ATG7: variants seen among roughly 807,000 people sequenced by gnomAD.
ATG7 encodes the protein ubiquitin-like modifier-activating enzyme ATG7.
A neutral mutation model predicts 82.4 loss-of-function variants in ATG7; 70 were observed. The ratio of observed to expected loss-of-function variants is 0.85; its 90% confidence interval spans 0.70 to 1.04. The LOEUF is 1.04. Ranked by LOEUF, ATG7 falls within the 50% of genes least tolerant of loss-of-function variation. ATG7 has a pLI of 0.00. For missense variants in ATG7, 792 were observed against 864.3 expected, an observed-to-expected ratio of 0.92 and a Z score of 1.05; for synonymous variants, 287 against 313.0, an observed-to-expected ratio of 0.92 and a Z score of 0.88.
At chr3:11,462,102 C>T (rs1440949345) in intron 20 of ATG7, among the ~76,000 whole-genome samples, 1 of 152,004 alleles carries the variant, frequency 6.6e-6, no homozygotes, top group Non-Finnish European at 1.5e-5. Context: ...GATATCTGGT[C>T]ATTAAAACCT....
chr3:11,309,035 A>C lies in ATG7; in HGVS notation c.385A>C (p.Asn129His), dbSNP rs1297784653. 5 of 1,613,884 alleles carry C rather than the reference A, an allele frequency of 3.1e-6. No individual in the cohort carries two copies. The highest frequency in any genetic ancestry group is 4.2e-6 in the Non-Finnish European group (5 of 1,179,886). ...TGCTCTTGAAAACCCTGTACTCCTC[A>C]ACAAGTTCCTCCTCTTGACATTTGC... ...GTALENPVLL[N>H]KFLLLTFADL... The change falls in exon 7 of 21, where the codon AAC becomes CAC. Residue 129 changes from asparagine to histidine, a missense_variant. Transcript: ENST00000693202.
In ATG7 at chr3:11,427,491, A is replaced by ATTTT. The variant is rs11414511; in HGVS notation, c.2079+578_2079+581dup. Among the ~76,000 whole-genome samples the ATTTT allele has an allele frequency of 1.6e-4, 23 of 143,764 alleles. 2 individuals are homozygous for ATTTT. The highest frequency in any genetic ancestry group is 6.7e-4 in the South Asian group (3 of 4,496). 94.3% of individuals were successfully genotyped at this position (143,764 alleles called of 152,430 possible). ...TCTTAATTTCCTGGGTCATTGCATC[A>ATTTT]TTTTTTTTTTTTTTTTAAAGACTGA... is the stretch of plus-strand genomic sequence containing the variant. On this transcript the variant is annotated intron_variant, in intron 20 of 20. Coordinates refer to ENST00000693202, the MANE Select transcript of ATG7 (RefSeq NM_001349232.2).
chr3:11,321,580 T>C (rs1456392703), intron 9 of ATG7, among the ~76,000 whole-genome samples: 4 of 152,122 alleles, frequency 2.6e-5, no homozygotes, highest in African/African-American at 7.2e-5. Flanking sequence ...CCTCCTACAG[T>C]GAGAATGCTT....
chr3:11,433,509 T>G (rs2083098731), intron 20 of ATG7, among the ~76,000 whole-genome samples: 1 of 152,098 alleles, frequency 6.6e-6, no homozygotes, highest in Non-Finnish European at 1.5e-5. Context: ...CCAAAATATT[T>G]TCTAACTGAA....
chr3:11,511,112 G>A (rs957263635), intron 20 of ATG7, among the ~76,000 whole-genome samples: 1 of 152,274 alleles, frequency 6.6e-6, no homozygotes, highest in Admixed American at 6.5e-5. Context: ...CCCAAAGAGT[G>A]AGCAGTAGCA....
rs992073835 is a variant in ATG7 at position 11,413,432 on chromosome 3, C to A, written c.1957-13372C>A. ...ATCGAGATGATTGTGTGGCTTCCCCCCCGCCCCACTTTCTTCAGTTTATAT... is the reference window on the plus strand; with the variant it reads ...ATCGAGATGATTGTGTGGCTTCCCCACCGCCCCACTTTCTTCAGTTTATAT... On this transcript the variant is annotated intron_variant, in intron 19 of 20. Coordinates refer to ENST00000693202, the MANE Select transcript of ATG7 (RefSeq NM_001349232.2). Among the ~76,000 whole-genome samples, 3 of 152,100 alleles carry A rather than the reference C, an allele frequency of 2.0e-5. No individual in the cohort carries two copies. The East Asian group carries it at 5.8e-4, about 29-fold the overall frequency.
intron 3 of ATG7, among the ~76,000 whole-genome samples, chr3:11,286,547 GT>G (rs749385598): frequency 0.013 from 1,202 of 92,082 alleles, 14 homozygotes; most frequent in Non-Finnish European, 0.02. Context: ...TTTGTTTTGT[GT>G]TTTTTTTTTT....
intron 10 of ATG7, 147 bp downstream of exon 10, chr3:11,331,575 C>A: frequency 1.4e-6 from 1 of 724,212 alleles, no homozygotes; most frequent in Non-Finnish European, 2.4e-6. Flanking sequence ...ATAAATCAGT[C>A]ATAACCCAAT....
intron 7 of ATG7, among the ~76,000 whole-genome samples, chr3:11,311,695 A>G (rs1948700757): frequency 6.6e-6 from 1 of 152,094 alleles, no homozygotes; most frequent in Non-Finnish European, 1.5e-5. Flanking sequence ...ATTTAAGTAC[A>G]AAGAAGAGAA....
chr3:11,558,106 T>C (rs1452375273), downstream of ATG7: 3 of 179,458 alleles, frequency 1.7e-5, no homozygotes, highest in Non-Finnish European at 3.6e-5. Flanking sequence ...TCTTCAAGTA[T>C]ACACACGCAC....
the ATG7 span, chr3:11,564,639 G>T: frequency 1.2e-6 from 1 of 838,274 alleles, no homozygotes; most frequent in Non-Finnish European, 1.8e-6. Context: ...TGTCCCAAGT[G>T]CACAACAGAG....
intron 20 of ATG7, among the ~76,000 whole-genome samples, chr3:11,506,566 A>C (rs1048809159): frequency 3.3e-5 from 4 of 120,352 alleles, no homozygotes; most frequent in African/African-American, 1.3e-4. Context: ...AAAAAAAAAA[A>C]AAAAAAAAAA....
At chr3:11,554,752 G>C in intron 20 of ATG7, 59 bp from the exon 21 acceptor site, 1 of 1,600,612 alleles carries the variant, frequency 6.2e-7, no homozygotes, top group Non-Finnish European at 8.5e-7. Context: ...TGAAGCATCT[G>C]TGTGCCCCCC....
At chr3:11,450,216 C>G (rs2084974133) in intron 20 of ATG7, among the ~76,000 whole-genome samples, 1 of 152,114 alleles carries the variant, frequency 6.6e-6, no homozygotes, top group Admixed American at 6.5e-5. Flanking sequence ...GGTCATGGAG[C>G]CAGTAAGTGT....
intron 20 of ATG7, among the ~76,000 whole-genome samples, chr3:11,515,924 G>T (rs1363380539): frequency 1.3e-5 from 2 of 151,984 alleles, no homozygotes. Flanking sequence ...GGAAGTCTCA[G>T]CCTTGATGGT....
intron 18 of ATG7, among the ~76,000 whole-genome samples, chr3:11,369,360 A>G (rs1036547363): frequency 6.6e-6 from 1 of 150,884 alleles, no homozygotes; most frequent in Non-Finnish European, 1.5e-5. Flanking sequence ...AAAAATGGGC[A>G]GGCCTCATGT....
chr3:11,427,814 CA>C (rs11288609), intron 20 of ATG7, among the ~76,000 whole-genome samples: 105,041 of 135,180 alleles, frequency 0.78, 40,181 homozygotes, highest in East Asian at 0.98. Flanking sequence ...GACTCCGTCT[CA>C]AAAAAAAAAA....
In ATG7 at chr3:11,519,539, G is replaced by GTTTTTTTTTTTT. The variant is rs574523805; in HGVS notation, c.2080-35245_2080-35234dup. On this transcript the variant is annotated intron_variant, in intron 20 of 20. Transcript: ENST00000693202. ...TCATGAAAGGCAGGCAGTGAGAGGAGTTTTTTTTTTTTTTTTTTTTTTTTT... is the reference window on the plus strand; with the variant it reads ...TCATGAAAGGCAGGCAGTGAGAGGAGTTTTTTTTTTTTTTTTTTTTTTTTTTTTTTTTTTTTT... Among the ~76,000 whole-genome samples the GTTTTTTTTTTTT allele has an allele frequency of 6.4e-5, 4 of 62,210 alleles. 2 individuals are homozygous for GTTTTTTTTTTTT. Among genetic ancestry groups the GTTTTTTTTTTTT allele is most frequent in the Non-Finnish European group, 6.7e-5 (2 of 30,044 alleles). 40.8% of individuals were successfully genotyped at this position (62,210 alleles called of 152,430 possible). A position where few individuals can be genotyped will look rare whatever the true frequency, so the allele number is the denominator to read the frequency against.
intron 19 of ATG7, among the ~76,000 whole-genome samples, chr3:11,386,724 G>A (rs2078345060): frequency 6.6e-6 from 1 of 152,110 alleles, no homozygotes. Flanking sequence ...ACCCAGCAAG[G>A]CCTCAAATCT....
Sources: gnomAD v4.1 joint callset for allele counts (sites outside exome capture counted in the v4.1 genomes callset) on GRCh38, gnomAD v4.1.1 for gene constraint, MANE v1.5 for transcripts, NCBI Gene and HGNC (gene_info 2026-07-23, HGNC 2026-07-21) for gene names.